Variants in ENPP1 observed in about 807,000 individuals in gnomAD.
ENPP1 encodes ectonucleotide pyrophosphatase/phosphodiesterase family member 1.
ENPP1 carries 73 observed loss-of-function variants against 122.8 expected under a neutral mutation model. That is an observed-to-expected ratio of 0.59 (90% CI 0.49 to 0.72). ENPP1 has a LOEUF of 0.72. Among genes scored for constraint, ENPP1 ranks in the 30% least tolerant of loss-of-function variants. The pLI is 0.00. For synonymous variants in ENPP1, 367 were observed against 391.6 expected (o/e 0.94, Z 0.74); for missense variants, 978 against 1,128.1 (o/e 0.87, Z 1.91).
chr6:131,845,914 T>C (rs915174713), intron 1 of ENPP1, among the ~76,000 whole-genome samples: 3 of 152,010 alleles, frequency 2.0e-5, no homozygotes, highest in African/African-American at 7.2e-5. Flanking sequence ...TTAAGGAATA[T>C]ACACACACAC....
At chr6:131,858,010 GA>G (rs1447144016) in intron 6 of ENPP1, among the ~76,000 whole-genome samples, 2 of 152,160 alleles carry the variant, frequency 1.3e-5, no homozygotes, top group African/African-American at 2.4e-5. Flanking sequence ...AAGGCAGTGA[GA>G]TATATAGACA....
intron 1 of ENPP1, among the ~76,000 whole-genome samples, chr6:131,834,741 A>C (rs1057161198): frequency 7.1e-6 from 1 of 140,422 alleles, no homozygotes; most frequent in African/African-American, 2.5e-5. Context: ...TCACCATTTT[A>C]GTAGAGACGG....
At chr6:131,869,049 G>A (rs1055043284) in intron 12 of ENPP1, among the ~76,000 whole-genome samples, 1 of 152,044 alleles carries the variant, frequency 6.6e-6, no homozygotes, top group African/African-American at 2.4e-5. Context: ...AGGTGGTTTG[G>A]GGCAAATAAC....
chr6:131,861,019 A>T (rs1182759636), intron 8 of ENPP1, among the ~76,000 whole-genome samples: 1 of 152,214 alleles, frequency 6.6e-6, no homozygotes, highest in Non-Finnish European at 1.5e-5. Context: ...GTCTATTTAA[A>T]TAATCATGAT....
intron 1 of ENPP1, among the ~76,000 whole-genome samples, chr6:131,822,891 T>A (rs1296807544): frequency 6.6e-6 from 1 of 152,212 alleles, no homozygotes; most frequent in Non-Finnish European, 1.5e-5. Context: ...GTTAAATTAC[T>A]AGTTTTTCTA....
At chr6:131,885,783 CAA>C (rs1585844461) in intron 23 of ENPP1, among the ~76,000 whole-genome samples, 1 of 152,154 alleles carries the variant, frequency 6.6e-6, no homozygotes, top group East Asian at 1.9e-4. Context: ...CATCAATTTG[CAA>C]AGTTACAGTT....
rs760411330 is a variant in ENPP1 at position 131,852,177 on chromosome 6, G to A, written c.559G>A (p.Glu187Lys). 6.3e-7 allele frequency: 1 copy of A among 1,595,854 alleles called. No individual in the cohort carries two copies. Among genetic ancestry groups the A allele is most frequent in the South Asian group, 1.1e-5 (1 of 90,710 alleles). ...TTATTTTCTTGAAAATATTTTAGGT[G>A]AGAAAAGTTGGGTAGAAGAACCATG... Reference protein sequence around the residue: ...CINYSSVCQGEKSWVEEPCES... With the variant: ...CINYSSVCQGKKSWVEEPCES... Residue 187 changes from glutamate (E) to lysine (K), a missense_variant and splice_region_variant, in exon 5 of 25, where the codon GAG becomes AAG. Physicochemically the swap from Glu to Lys is moderately conservative, Grantham distance 56. This residue lies in a region of ENPP1 where 330 missense variants were observed against 328.5 expected (regional missense o/e 1.00). Coordinates refer to ENST00000647893, the MANE Select transcript of ENPP1 (RefSeq NM_006208.3).
At chr6:131,885,944 A>G (rs1782372310) in intron 23 of ENPP1, among the ~76,000 whole-genome samples, 1 of 152,234 alleles carries the variant, frequency 6.6e-6, no homozygotes, top group African/African-American at 2.4e-5. Context: ...ACATAAGGTC[A>G]TATTTGAAAA....
At chr6:131,822,584 A>T (rs58731497) in intron 1 of ENPP1, among the ~76,000 whole-genome samples, 57,770 of 150,426 alleles carry the variant, frequency 0.38, 11,886 homozygotes, top group East Asian at 0.7. Context: ...ATCACTTTTA[A>T]AAAAAAAAAA....
rs1250138194 is a variant in ENPP1 at position 131,808,216 on chromosome 6, G to C, written c.181G>C (p.Glu61Gln). 3 of 1,514,524 alleles carry C rather than the reference G, an allele frequency of 2.0e-6. No individual in the cohort carries two copies. The Admixed American group carries it at 6.3e-5, about 32-fold the overall frequency. 93.8% of individuals were successfully genotyped at this position (1,514,524 alleles called of 1,614,324 possible). A position where few individuals can be genotyped will look rare whatever the true frequency, so the allele number is the denominator to read the frequency against. The change falls in exon 1 of 25, where the codon GAG becomes CAG. Residue 61 changes from glutamate (E) to glutamine (Q), a missense_variant. Around this residue, in one of 3 missense-constraint regions of ENPP1, gnomAD observed 330 missense variants for 328.5 expected, o/e 1.00. Transcript: ENST00000647893. ...APMDVGEEPL[E>Q]KAARARTAKD... ...TATGGACGTGGGGGAGGAGCCGCTG[G>C]AGAAGGCGGCGCGCGCCCGCACTGC...
intron 4 of ENPP1, 66 bp from the exon 5 acceptor site, chr6:131,852,109 C>T: frequency 9.4e-7 from 1 of 1,058,552 alleles, no homozygotes; most frequent in Non-Finnish European, 1.5e-6. Flanking sequence ...CTTAATGTGT[C>T]TCACAAGCAT....
At chr6:131,831,551 T>C (rs1232354538) in intron 1 of ENPP1, among the ~76,000 whole-genome samples, 2 of 152,222 alleles carry the variant, frequency 1.3e-5, no homozygotes, top group South Asian at 2.1e-4. Context: ...TCTCAGACTT[T>C]CCTTGTTTTT....
intron 23 of ENPP1, among the ~76,000 whole-genome samples, chr6:131,885,434 C>T (rs1235696020): frequency 6.6e-6 from 1 of 152,020 alleles, no homozygotes; most frequent in Admixed American, 6.6e-5. Context: ...TATCCTGAGT[C>T]TAGGAATGAA....
At chr6:131,809,337 T>C (rs1369669999) in intron 1 of ENPP1, among the ~76,000 whole-genome samples, 1 of 152,200 alleles carries the variant, frequency 6.6e-6, no homozygotes, top group Non-Finnish European at 1.5e-5. Flanking sequence ...TGTATGCATT[T>C]CCATTTTCAC....
Position 131,851,174 on chromosome 6 carries a change from G to C in ENPP1, c.463G>C (p.Gly155Arg), listed in dbSNP as rs1175498318. The C allele has an allele frequency of 7.4e-6, 12 of 1,613,924 alleles. No individual in the cohort carries two copies. The highest frequency in any genetic ancestry group is 1.7e-5 in the Admixed American group (1 of 60,010). Residue 155 changes from glycine (G) to arginine (R), a missense_variant, in exon 4 of 25, where the codon GGT (glycine) becomes CGT (arginine). Gly to Arg is a moderately radical substitution (Grantham distance 125, BLOSUM62 -2). Around this residue, in one of 3 missense-constraint regions of ENPP1, gnomAD observed 330 missense variants for 328.5 expected, o/e 1.00. Coordinates refer to ENST00000647893, the MANE Select transcript of ENPP1 (RefSeq NM_006208.3). ...ATGGACTTGCAACAAATTCAGGTGTGGTGAGAAAAGGTTGACCAGAAGCCT... is the reference window on the plus strand; with the variant it reads ...ATGGACTTGCAACAAATTCAGGTGTCGTGAGAAAAGGTTGACCAGAAGCCT... Reference protein sequence around the residue: ...HIWTCNKFRCGEKRLTRSLCA... With the variant: ...HIWTCNKFRCREKRLTRSLCA...
At chr6:131,863,650 C>T (rs922895856) in intron 9 of ENPP1, among the ~76,000 whole-genome samples, 10 of 151,616 alleles carry the variant, frequency 6.6e-5, no homozygotes, top group African/African-American at 2.4e-4. Context: ...CGTGGTGGCT[C>T]ACACCTGTAA....
intron 11 of ENPP1, among the ~76,000 whole-genome samples, chr6:131,866,009 G>A (rs1252844396): frequency 2.8e-5 from 4 of 142,254 alleles, no homozygotes; most frequent in African/African-American, 8.8e-5. Flanking sequence ...AAAAAAAAAA[G>A]AGAAAAAGAA....
intron 2 of ENPP1, 90 bp from the exon 3 acceptor site, chr6:131,849,900 A>C: frequency 1.1e-6 from 1 of 933,780 alleles, no homozygotes; most frequent in Non-Finnish European, 1.8e-6. Flanking sequence ...ATTTGAACCT[A>C]GTGTACACCT....
rs368179464 is a variant in ENPP1, at chr6:131,858,662, T to G, written c.716-6T>G. ...TAATAACAATGTTTATTTTTTTCCC[T>G]TCTAGAAAAATGTGGAACATATACT... On this transcript the variant is annotated splice_polypyrimidine_tract_variant and splice_region_variant and intron_variant, in intron 6 of 24. Transcript: ENST00000647893. 3.2e-6 allele frequency: 5 copies of G among 1,584,578 alleles called. No homozygotes were observed. Among genetic ancestry groups the G allele is most frequent in the Non-Finnish European group, 4.3e-6 (5 of 1,153,944 alleles).
Sources: allele counts gnomAD v4.1 joint callset (sites outside exome capture counted in the v4.1 genomes callset), GRCh38; gene constraint gnomAD v4.1.1; regional missense constraint gnomAD v4.1.1; transcripts MANE v1.5; gene names NCBI Gene and HGNC (gene_info 2026-07-23, HGNC 2026-07-21).